The following PIK3CD variants were observed in gnomAD, a reference collection of about 807,000 sequenced individuals.
PIK3CD encodes the protein phosphatidylinositol 4,5-bisphosphate 3-kinase catalytic subunit delta isoform.
In PIK3CD, 20 loss-of-function variants were observed where a neutral mutation model predicts 122.9. That is an observed-to-expected ratio of 0.16 (90% CI 0.11 to 0.24). PIK3CD has a LOEUF of 0.24. PIK3CD is among the 10% of genes least tolerant of loss of function. PIK3CD has a pLI of 1.00. For synonymous variants in PIK3CD, 596 were observed against 593.4 expected (o/e 1.00, Z -0.06); for missense variants, 787 against 1,406.3 (o/e 0.56, Z 7.04).
rs1648367063 is a variant in PIK3CD at position 9,720,483 on chromosome 1, T to TCC, written c.1471-128_1471-127insCC. ...TCTCGTGAGTGGAGGCCAGAGCTGC[T>TCC]GTGGATGCGCCTCCATGCAGAGGAC... On this transcript the variant is annotated intron_variant, in intron 11 of 23. Coordinates refer to ENST00000377346, the MANE Select transcript of PIK3CD (RefSeq NM_005026.5). This position sits in a 1 kb window ranked among gnomAD's most constrained non-coding sequence, Gnocchi z 9.0. 3 of 1,503,466 alleles carry TCC rather than the reference T, an allele frequency of 2.0e-6. No individual in the cohort carries two copies. The South Asian group carries it at 3.8e-5, about 19-fold the overall frequency. 93.1% of individuals were successfully genotyped at this position (1,503,466 alleles called of 1,614,324 possible).
chr1:9,666,071 C>T (rs1010362629), intron 1 of PIK3CD, among the ~76,000 whole-genome samples: 10 of 152,014 alleles, frequency 6.6e-5, no homozygotes, highest in South Asian at 2.1e-4. Context: ...GGATTACAGG[C>T]GCCCGCCATC....
chr1:9,720,034 G>A lies in PIK3CD; in HGVS notation c.1339+17G>A, dbSNP rs370327350. 14 of 1,613,456 alleles carry A rather than the reference G, an allele frequency of 8.7e-6. No individual in the cohort carries two copies. In the African/African-American group the frequency reaches 1.6e-4, roughly 18 times the overall value. ...CCGTCCCAGGTCGGCCCAGGCCCAG[G>A]AGGGAGAGGCGTTGGGAGTGTGAGG... On this transcript the variant is annotated intron_variant, in intron 10 of 23. Coordinates refer to ENST00000377346, the MANE Select transcript of PIK3CD (RefSeq NM_005026.5). The surrounding 1 kb of genome is among the most constrained non-coding windows in gnomAD (Gnocchi z 9.0).
At chr1:9,655,081 G>GA (rs897457442) in intron 1 of PIK3CD, among the ~76,000 whole-genome samples, 2 of 141,000 alleles carry the variant, frequency 1.4e-5, no homozygotes, top group Admixed American at 7.2e-5. Flanking sequence ...AAAAAAAAAA[G>GA]AAAAAAAAGC....
chr1:9,642,094 TTTTAATTTAA>T, the PIK3CD span, among the ~76,000 whole-genome samples: 1 of 151,192 alleles, frequency 6.6e-6, no homozygotes, highest in Non-Finnish European at 1.5e-5. Context: ...CTGTTCTATT[TTTTAATTTAA>T]TTTAATTTAA....
rs966403519 is a variant in PIK3CD at position 9,727,274 on chromosome 1, G to A, written c.*228G>A. ...ATGCAGCGGCGGTGCTGGGCCCCCC[G>A]AGGCTGCACCTGGCTCTCGGCTGAG... On this transcript the variant is annotated 3_prime_UTR_variant, in exon 24 of 24. Coordinates refer to ENST00000377346, the MANE Select transcript of PIK3CD (RefSeq NM_005026.5). 1.9e-5 allele frequency: 11 copies of A among 580,266 alleles called. No individual in the cohort carries two copies. The highest frequency in any genetic ancestry group is 1.2e-4 in the Admixed American group (4 of 34,302). 35.9% of individuals were successfully genotyped at this position (580,266 alleles called of 1,614,324 possible).
In PIK3CD at chr1:9,724,176, T is replaced by C; in HGVS notation, c.2718+84T>C. On this transcript the variant is annotated intron_variant, in intron 21 of 23. Coordinates refer to ENST00000377346, the MANE Select transcript of PIK3CD (RefSeq NM_005026.5). The surrounding 1 kb of genome is among the most constrained non-coding windows in gnomAD (Gnocchi z 7.3). ...GGCCCCTCTGCCTAGCACACAGCTCTGTGGCAGGGGTCCCCCAGCCCTGCT... is the reference window on the plus strand; with the variant it reads ...GGCCCCTCTGCCTAGCACACAGCTCCGTGGCAGGGGTCCCCCAGCCCTGCT... 6.2e-7 allele frequency: 1 copy of C among 1,613,544 alleles called. No individual in the cohort carries two copies. Among genetic ancestry groups the C allele is most frequent in the Non-Finnish European group, 8.5e-7 (1 of 1,179,932 alleles).
intron 1 of PIK3CD, among the ~76,000 whole-genome samples, chr1:9,686,523 T>A (rs1273044452): frequency 6.6e-6 from 1 of 152,114 alleles, no homozygotes. Flanking sequence ...GATTTTTCTT[T>A]TCTTTTTAAA....
Position 9,654,494 on chromosome 1 carries a change from C to T in PIK3CD, c.-138+2692C>T, listed in dbSNP as rs542439705. 5.6e-4 allele frequency: 249 copies of T among 445,600 alleles called. 1 individual carries two copies. Among genetic ancestry groups the T allele is most frequent in the Non-Finnish European group, 6.7e-4 (240 of 360,478 alleles). 27.6% of individuals were successfully genotyped at this position (445,600 alleles called of 1,614,324 possible). On this transcript the variant is annotated intron_variant, in intron 1 of 23. Coordinates refer to ENST00000377346, the MANE Select transcript of PIK3CD (RefSeq NM_005026.5). ...CACCAATGGTTGTGCGAAAGCCAGC[C>T]CGCTTTCGCACAACTGTCCGATGGA...
intron 1 of PIK3CD, chr1:9,653,732 A>G (rs1644750098): frequency 1.7e-6 from 2 of 1,182,858 alleles, no homozygotes; most frequent in Non-Finnish European, 2.3e-6. Context: ...GGCTCTCTCT[A>G]GAGCAGAAAT....
chr1:9,695,485 GAAA>G (rs750160112), intron 2 of PIK3CD, among the ~76,000 whole-genome samples: 3 of 152,036 alleles, frequency 2.0e-5, no homozygotes, highest in Non-Finnish European at 4.4e-5. Context: ...TGTCATCAGA[GAAA>G]AAAAGGCCAC....
At chr1:9,684,536 CAAAAAAA>C (rs887585173) in intron 1 of PIK3CD, among the ~76,000 whole-genome samples, 14 of 67,310 alleles carry the variant, frequency 2.1e-4, no homozygotes, top group African/African-American at 3.7e-4. Context: ...GACTCCGTCT[CAAAAAAA>C]AAAAAAAAAG....
chr1:9,659,452 C>T (rs1197661407), intron 1 of PIK3CD, among the ~76,000 whole-genome samples: 1 of 152,092 alleles, frequency 6.6e-6, no homozygotes, highest in Non-Finnish European at 1.5e-5. Context: ...GTGGGATTTA[C>T]ACTATTGTGC....
intron 1 of PIK3CD, among the ~76,000 whole-genome samples, chr1:9,673,481 G>T (rs1377045911): frequency 6.6e-6 from 1 of 151,838 alleles, no homozygotes; most frequent in Admixed American, 6.6e-5. Context: ...GGCTGATCTC[G>T]AACTCCTGAC....
At chr1:9,638,716 AGC>A in the PIK3CD span, among the ~76,000 whole-genome samples, 1 of 117,416 alleles carries the variant, frequency 8.5e-6, no homozygotes, top group Non-Finnish European at 1.6e-5. Context: ...TGGGTGACAG[AGC>A]GAGACTCCTT....
intron 23 of PIK3CD, among the ~76,000 whole-genome samples, chr1:9,725,433 A>G (rs973329336): frequency 1.3e-5 from 2 of 151,952 alleles, no homozygotes; most frequent in African/African-American, 4.8e-5. Context: ...CATTCCTGTA[A>G]TCCCAGCTAC....
intron 1 of PIK3CD, among the ~76,000 whole-genome samples, chr1:9,678,171 A>G (rs1244141555): frequency 6.6e-6 from 1 of 151,832 alleles, no homozygotes; most frequent in African/African-American, 2.4e-5. Flanking sequence ...AAAACAAAAA[A>G]ACAAAAATCC....
upstream of PIK3CD, among the ~76,000 whole-genome samples, chr1:9,649,176 C>T (rs1483409127): frequency 6.6e-6 from 1 of 152,040 alleles, no homozygotes; most frequent in African/African-American, 2.4e-5. Flanking sequence ...TCCATCTTAC[C>T]CAAGCCCTCT....
chr1:9,718,747 G>T lies in PIK3CD; in HGVS notation c.1074G>T (p.Val358=), dbSNP rs1249842637. The T allele has an allele frequency of 1.2e-6, 2 of 1,609,596 alleles. No individual in the cohort carries two copies. Among genetic ancestry groups the T allele is most frequent in the Non-Finnish European group, 1.7e-6 (2 of 1,179,916 alleles). ...FHGNEMLCKT[V]SSSEVSVCSE... The stretch of plus-strand genomic sequence containing the variant: ...GCAACGAGATGCTGTGCAAGACGGT[G>T]TCCAGCTCGGAGGTGAGCGTGTGCT... The change falls in exon 9 of 24, where the codon GTG becomes GTT. Residue 358 remains valine, a synonymous_variant. Coordinates refer to ENST00000377346, the MANE Select transcript of PIK3CD (RefSeq NM_005026.5). This position sits in a 1 kb window ranked among gnomAD's most constrained non-coding sequence, Gnocchi z 7.2.
In PIK3CD at chr1:9,718,792, G is replaced by A; in HGVS notation, c.1119G>A (p.Gln373=). 1.2e-6 allele frequency: 2 copies of A among 1,611,860 alleles called. No individual in the cohort carries two copies. The highest frequency in any genetic ancestry group is 1.7e-6 in the Non-Finnish European group (2 of 1,179,980). The change falls in exon 9 of 24, where the codon CAG becomes CAA. Residue 373 remains glutamine, a synonymous_variant. Coordinates refer to ENST00000377346, the MANE Select transcript of PIK3CD (RefSeq NM_005026.5). The surrounding 1 kb of genome is among the most constrained non-coding windows in gnomAD (Gnocchi z 7.2). ...VSVCSEPVWK[Q]RLEFDINICD... ...TGTGCTCGGAGCCCGTGTGGAAGCA[G>A]CGGCTGGAGTTCGACATCAACATCT...
Sources: allele counts gnomAD v4.1 joint callset (sites outside exome capture counted in the v4.1 genomes callset), GRCh38; gene constraint gnomAD v4.1.1; non-coding constraint Gnocchi (gnomAD v3.1); transcripts MANE v1.5; gene names NCBI Gene and HGNC (gene_info 2026-07-23, HGNC 2026-07-21).